The following RGS12 variants were observed in gnomAD, a reference collection of about 807,000 sequenced individuals.
RGS12 encodes the protein regulator of G-protein signaling 12.
RGS12 carries 66 observed loss-of-function variants against 120.1 expected under a neutral mutation model. The ratio of observed to expected loss-of-function variants is 0.55; its 90% CI spans 0.45 to 0.67. The LOEUF (loss-of-function observed/expected upper bound fraction) is 0.67. Among genes scored for constraint, RGS12 ranks in the 30% least tolerant of loss-of-function variants. The probability of loss-of-function intolerance (pLI) is 0.00; values close to 1 mark genes in which losing one functional copy is unlikely to be tolerated. For synonymous variants in RGS12, 827 were observed against 804.7 expected (o/e 1.03, Z -0.47); for missense variants, 1,859 against 1,957.7 (o/e 0.95, Z 0.95).
At chr4:3,369,884 A>C in intron 3 of RGS12, 1 of 354,596 alleles carries the variant, frequency 2.8e-6, no homozygotes, top group Non-Finnish European at 4.1e-6. Context: ...GGCTTAGAAT[A>C]GATTCATTGG....
intron 4 of RGS12, among the ~76,000 whole-genome samples, chr4:3,412,426 C>T (rs1160805173): frequency 6.6e-6 from 1 of 152,240 alleles, no homozygotes; most frequent in African/African-American, 2.4e-5. Context: ...GTTGATGCTG[C>T]CTCACTGACC....
chr4:3,307,044 G>C (rs575867813), intron 1 of RGS12, among the ~76,000 whole-genome samples: 2 of 152,216 alleles, frequency 1.3e-5, no homozygotes, highest in Non-Finnish European at 2.9e-5. Context: ...TCTTTTCTGA[G>C]TTGGTGCTGA....
rs187508013 is a variant in RGS12 at position 3,417,803 on chromosome 4, A to C, written c.2761+262A>C. The C allele has an allele frequency of 6.6e-6, 3 of 457,868 alleles. No individual in the cohort carries two copies. The Admixed American group carries it at 1.2e-4, about 18-fold the overall frequency. The allele number at this position is 457,868 out of a possible 1,614,324, so 28.4% of individuals were successfully genotyped here. A position where few individuals can be genotyped will look rare whatever the true frequency, so the allele number is the denominator to read the frequency against. On this transcript the variant is annotated intron_variant, in intron 9 of 17. Transcript: ENST00000336727. ...ATACATTTCAGCCCATGCCTACCTC[A>C]GGCCTACCCCACACAGTGGCGGCTG...
At chr4:3,331,611 T>C (rs1423948841) in intron 2 of RGS12, among the ~76,000 whole-genome samples, 1 of 150,428 alleles carries the variant, frequency 6.6e-6, no homozygotes, top group African/African-American at 2.5e-5. Context: ...CAAAATAGAT[T>C]GTAAAAAAAA....
chr4:3,379,005 A>ATGTGTGTGTG (rs3138719), intron 3 of RGS12, among the ~76,000 whole-genome samples: 45 of 146,566 alleles, frequency 3.1e-4, no homozygotes, highest in African/African-American at 5.4e-4. Context: ...GAAATGTGCG[A>ATGTGTGTGTG]TGTGTGTGTG....
intron 1 of RGS12, among the ~76,000 whole-genome samples, chr4:3,313,222 G>A (rs181824348): frequency 2.0e-5 from 3 of 152,328 alleles, no homozygotes; most frequent in Admixed American, 6.5e-5. Context: ...AGTGTGAGGC[G>A]GATGGTGCGA....
chr4:3,386,431 G>C lies in RGS12; in HGVS notation c.2014G>C (p.Asp672His). ...LDDLESATVSDGELTGADLKD... is the reference protein window; with the variant it reads ...LDDLESATVSHGELTGADLKD... ...TTTCTTTCAGTCTGCAACTGTGTCT[G>C]ATGGCGGTAAGTCACAATTTCTGAT... The change falls in exon 4 of 18, where the codon GAT (aspartate) becomes CAT (histidine). Residue 672 changes from aspartate to histidine, a missense_variant. Coordinates refer to ENST00000336727, the MANE Select transcript of RGS12 (RefSeq NM_001394154.1). The C allele has an allele frequency of 6.2e-7, 1 of 1,611,978 alleles. No individual in the cohort carries two copies. Among genetic ancestry groups the C allele is most frequent in the Non-Finnish European group, 8.5e-7 (1 of 1,178,184 alleles).
intron 2 of RGS12, among the ~76,000 whole-genome samples, chr4:3,333,296 G>A (rs59899559): frequency 0.02 from 3,057 of 152,198 alleles, 89 homozygotes; most frequent in African/African-American, 0.058. Flanking sequence ...TGATCCACCC[G>A]CCTCGGCCTC....
chr4:3,311,069 C>G (rs528640959), intron 1 of RGS12, among the ~76,000 whole-genome samples: 3 of 152,252 alleles, frequency 2.0e-5, no homozygotes, highest in Admixed American at 6.5e-5. Context: ...GCCGTGGCGG[C>G]TGCCATTGCA....
chr4:3,293,425 G>A (rs1354436275), intron 1 of RGS12, among the ~76,000 whole-genome samples: 1 of 147,354 alleles, frequency 6.8e-6, no homozygotes, highest in African/African-American at 2.5e-5. Flanking sequence ...CGGGCCCTTG[G>A]CGGGACCCGC....
At chr4:3,387,114 C>T (rs111975327) in intron 4 of RGS12, among the ~76,000 whole-genome samples, 2,215 of 152,250 alleles carry the variant, frequency 0.015, 26 homozygotes, top group Non-Finnish European at 0.024. Flanking sequence ...CCTGACAGTC[C>T]GCAGGCTCTC....
intron 3 of RGS12, among the ~76,000 whole-genome samples, chr4:3,351,939 A>G (rs1714394118): frequency 1.3e-5 from 2 of 152,176 alleles, no homozygotes; most frequent in Non-Finnish European, 2.9e-5. Context: ...TCCCATACCC[A>G]TTATTTAGAA....
At chr4:3,333,364 G>C (rs778266539) in intron 2 of RGS12, among the ~76,000 whole-genome samples, 3 of 151,994 alleles carry the variant, frequency 2.0e-5, no homozygotes, top group Non-Finnish European at 4.4e-5. Flanking sequence ...TCAAACTCTT[G>C]ACCTCAAGTG....
At chr4:3,371,425 C>G (rs1716971910) in intron 3 of RGS12, among the ~76,000 whole-genome samples, 1 of 152,228 alleles carries the variant, frequency 6.6e-6, no homozygotes, top group Admixed American at 6.5e-5. Context: ...TTGTAGGCAG[C>G]ACTTTCATCT....
At chr4:3,294,187 C>T (rs749998194) in intron 1 of RGS12, among the ~76,000 whole-genome samples, 3 of 152,274 alleles carry the variant, frequency 2.0e-5, no homozygotes, top group Admixed American at 6.5e-5. Context: ...TGGTCCATGC[C>T]GTCCTGTGCA....
In RGS12 at chr4:3,430,404, T is replaced by C; in HGVS notation, c.3566-3T>C. Reference sequence around the variant, plus strand: ...ACGGTCACTCTGGGTTTTCTTCCAATAGAGTTTTTTGAGCTTATTTCCAAA... The same window carrying C: ...ACGGTCACTCTGGGTTTTCTTCCAACAGAGTTTTTTGAGCTTATTTCCAAA... On this transcript the variant is annotated splice_region_variant and splice_polypyrimidine_tract_variant and intron_variant, in intron 16 of 17. Coordinates refer to ENST00000336727, the MANE Select transcript of RGS12 (RefSeq NM_001394154.1). 1.9e-6 allele frequency: 3 copies of C among 1,606,506 alleles called. No individual in the cohort carries two copies. Among genetic ancestry groups the C allele is most frequent in the Admixed American group, 1.7e-5 (1 of 58,844 alleles).
At chr4:3,417,810 C>T in intron 9 of RGS12, 1 of 420,938 alleles carries the variant, frequency 2.4e-6, no homozygotes, top group Non-Finnish European at 4.2e-6. Context: ...CTCAGGCCTA[C>T]CCCACACAGT....
At chr4:3,321,045 A>T (rs1282360464) in intron 2 of RGS12, among the ~76,000 whole-genome samples, 1 of 152,192 alleles carries the variant, frequency 6.6e-6, no homozygotes, top group African/African-American at 2.4e-5. Flanking sequence ...CGGGGACTTC[A>T]GGGCTTTACT....
intron 17 of RGS12, among the ~76,000 whole-genome samples, chr4:3,434,882 C>T (rs1279685860): frequency 6.6e-6 from 1 of 152,208 alleles, no homozygotes; most frequent in African/African-American, 2.4e-5. Context: ...TGGCTGGGGG[C>T]TGGAGGCCAG....
Sources: gnomAD v4.1 joint callset for allele counts (sites outside exome capture counted in the v4.1 genomes callset) on GRCh38, gnomAD v4.1.1 for gene constraint, MANE v1.5 for transcripts, NCBI Gene and HGNC (gene_info 2026-07-23, HGNC 2026-07-21) for gene names.